Variants in HMGA1 observed in about 807,000 individuals in gnomAD.
HMGA1 encodes high mobility group AT-hook 1.
A neutral mutation model predicts 15.1 loss-of-function variants in HMGA1; 1 was observed. The ratio of observed to expected loss-of-function variants is 0.07; its 90% CI spans 0.02 to 0.31. HMGA1 has a LOEUF of 0.31. Among genes scored for constraint, HMGA1 ranks in the 10% least tolerant of loss-of-function variants. HMGA1 has a pLI of 1.00. For synonymous variants in HMGA1, 56 were observed against 54.8 expected (o/e 1.02, Z -0.10); for missense variants, 94 against 141.4 (o/e 0.66, Z 1.70).
chr6:34,244,062 G>T (rs142150355), intron 5 of HMGA1, among the ~76,000 whole-genome samples: 1 of 151,848 alleles, frequency 6.6e-6, no homozygotes, highest in African/African-American at 2.4e-5. Flanking sequence ...CCTCTAGGGG[G>T]CCACTGCAGT....
chr6:34,244,933 A>G lies in HMGA1; in HGVS notation c.*49A>G. On this transcript the variant is annotated 3_prime_UTR_variant, in exon 6 of 6. Coordinates refer to ENST00000311487, the MANE Select transcript of HMGA1 (RefSeq NM_145899.3). The stretch of plus-strand genomic sequence containing the variant: ...ACTGGAGGAGCAGCTTCCTTCTGGG[A>G]CTGGACAGCTTTGCTCCGCTCCCAC... 6.5e-7 allele frequency: 1 copy of G among 1,549,202 alleles called. No individual in the cohort carries two copies. The highest frequency in any genetic ancestry group is 2.0e-5 in the Admixed American group (1 of 50,998).
intron 4 of HMGA1, among the ~76,000 whole-genome samples, chr6:34,243,097 C>G (rs1458482047): frequency 6.6e-6 from 1 of 152,136 alleles, no homozygotes; most frequent in Non-Finnish European, 1.5e-5. Flanking sequence ...CCCTGCCAGT[C>G]CCTGGGCTGA....
chr6:34,241,192 A>C (rs1339730018), intron 3 of HMGA1, among the ~76,000 whole-genome samples: 1 of 152,228 alleles, frequency 6.6e-6, no homozygotes, highest in Non-Finnish European at 1.5e-5. Flanking sequence ...CCCAGAGGTC[A>C]CATGGCCAGT....
At chr6:34,244,042 CAAG>C (rs1390854897) in intron 5 of HMGA1, among the ~76,000 whole-genome samples, 1 of 151,900 alleles carries the variant, frequency 6.6e-6, no homozygotes, top group Non-Finnish European at 1.5e-5. Flanking sequence ...TGGGCTGAGT[CAAG>C]AAGCTGCCTC....
chr6:34,240,893 G>A lies in HMGA1; in HGVS notation c.113G>A (p.Gly38Glu), dbSNP rs1762247775. 6.2e-7 allele frequency: 1 copy of A among 1,613,556 alleles called. No individual in the cohort carries two copies. Among genetic ancestry groups the A allele is most frequent in the Admixed American group, 1.7e-5 (1 of 59,992 alleles). ...RPRKQPPVSP[G>E]TALVGSQKEP... ...CGCAAGCAGCCTCCGGTGAGTCCCGGGACAGCGCTGGTAGGGAGTCAGGTG... is the reference window on the plus strand; with the variant it reads ...CGCAAGCAGCCTCCGGTGAGTCCCGAGACAGCGCTGGTAGGGAGTCAGGTG... Residue 38 changes from glycine (G) to glutamate (E), a missense_variant, in exon 3 of 6, where the codon GGG (glycine) becomes GAG (glutamate). Gly to Glu is a moderately conservative substitution (Grantham distance 98, BLOSUM62 -2). Transcript: ENST00000311487.
chr6:34,243,886 C>T (rs1271867178), intron 5 of HMGA1, among the ~76,000 whole-genome samples: 5 of 152,242 alleles, frequency 3.3e-5, no homozygotes, highest in Middle Eastern at 3.4e-3. Flanking sequence ...AAGGTTTGTC[C>T]TTCCTATGAG....
rs567629985 is a variant in HMGA1, at chr6:34,240,554, G to A, written c.-44-183G>A. 60 of 564,454 alleles carry A rather than the reference G, an allele frequency of 1.1e-4. 1 individual carries two copies. Among genetic ancestry groups the A allele is most frequent in the Admixed American group, 5.9e-5 (2 of 33,644 alleles). The allele number at this position is 564,454 out of a possible 1,614,324, so 35.0% of individuals were successfully genotyped here. ...AGATAAGAAGCTGATTAGGGCCAAC[G>A]GCCCTTCCCCGCCCTTGGCAGCATC... On this transcript the variant is annotated intron_variant, in intron 2 of 5. Coordinates refer to ENST00000311487, the MANE Select transcript of HMGA1 (RefSeq NM_145899.3).
At chr6:34,239,691 C>T (rs963785426) in intron 2 of HMGA1, among the ~76,000 whole-genome samples, 3 of 49,734 alleles carry the variant, frequency 6.0e-5, no homozygotes, top group Non-Finnish European at 1.8e-4. Context: ...GGGATAAGGA[C>T]TAGGATGAAG....
At chr6:34,243,424 G>A (rs1352008657) in intron 4 of HMGA1, 44 bp from the exon 5 acceptor site, 3 of 1,505,078 alleles carry the variant, frequency 2.0e-6, no homozygotes, top group Non-Finnish European at 2.8e-6. Flanking sequence ...GGTGAGCACT[G>A]ATGAGCATTT....
chr6:34,241,513 A>G (rs1762306984), intron 3 of HMGA1, among the ~76,000 whole-genome samples: 1 of 152,184 alleles, frequency 6.6e-6, no homozygotes, highest in African/African-American at 2.4e-5. Context: ...ATTGAAGCCC[A>G]AGAAGTCAAA....
In HMGA1 at chr6:34,245,705, T is replaced by C; in HGVS notation, c.*821T>C. The C allele has an allele frequency of 1.1e-6, 1 of 921,458 alleles. No individual in the cohort carries two copies. The highest frequency in any genetic ancestry group is 1.5e-6 in the Non-Finnish European group (1 of 654,736). The allele number at this position is 921,458 out of a possible 1,614,324, so 57.1% of individuals were successfully genotyped here. On this transcript the variant is annotated 3_prime_UTR_variant, in exon 6 of 6. Coordinates refer to ENST00000311487, the MANE Select transcript of HMGA1 (RefSeq NM_145899.3). ...GCTGGGGCTGCTCCCCTAACCCTAC[T>C]TTGCTTCCGCCACTCAGCCATTTCC...
At chr6:34,243,576 G>C in intron 5 of HMGA1, 58 bp downstream of exon 5, 3 of 1,365,490 alleles carry the variant, frequency 2.2e-6, no homozygotes, top group Non-Finnish European at 3.1e-6. Context: ...TGAGGGTGTT[G>C]AGTACACAGT....
In HMGA1 at chr6:34,237,628, ACCCGGCGGAG is replaced by A. The variant is rs898177733; in HGVS notation, c.-45+317_-45+326del. Among the ~76,000 whole-genome samples the A allele has an allele frequency of 3.5e-3, 510 of 146,456 alleles. 3 individuals are homozygous for A. The highest frequency in any genetic ancestry group is 0.011 in the East Asian group (51 of 4,800). ...CAGCTGCGGCGAGCGCGAGTTGTGC[ACCCGGCGGAG>A]CCCGGAGGAGCCCGGCGCACCTCGC... On this transcript the variant is annotated intron_variant, in intron 2 of 5. Transcript: ENST00000311487.
chr6:34,241,331 G>A (rs140620871), intron 3 of HMGA1, among the ~76,000 whole-genome samples: 62 of 152,316 alleles, frequency 4.1e-4, no homozygotes, highest in East Asian at 3.7e-3. Context: ...TTCAGTGCAC[G>A]TAAAATGATT....
At chr6:34,241,025 C>A in intron 3 of HMGA1, 110 bp downstream of exon 3, 1 of 1,280,220 alleles carries the variant, frequency 7.8e-7, no homozygotes, top group Non-Finnish European at 1.1e-6. Flanking sequence ...AATGATTCTG[C>A]GCAGTAAGCG....
At chr6:34,244,398 T>A (rs1762550542) in intron 5 of HMGA1, among the ~76,000 whole-genome samples, 1 of 151,996 alleles carries the variant, frequency 6.6e-6, no homozygotes, top group Admixed American at 6.5e-5. Context: ...GCACAGCATC[T>A]GCCCCTGTGG....
At chr6:34,241,950 C>G (rs1762345044) in intron 3 of HMGA1, among the ~76,000 whole-genome samples, 1 of 152,114 alleles carries the variant, frequency 6.6e-6, no homozygotes, top group African/African-American at 2.4e-5. Flanking sequence ...CCTCAGCCTC[C>G]CCTCCTACCC....
intron 3 of HMGA1, among the ~76,000 whole-genome samples, chr6:34,241,914 G>A (rs940787181): frequency 2.0e-5 from 3 of 152,112 alleles, no homozygotes; most frequent in Non-Finnish European, 2.9e-5. Context: ...CCTGGGGTGG[G>A]GTCATTTGTC....
intron 1 of HMGA1, 83 bp from the exon 2 acceptor site, chr6:34,237,119 GAC>G (rs1761815536): frequency 6.6e-6 from 1 of 151,940 alleles, no homozygotes; most frequent in African/African-American, 2.4e-5. Context: ...GCCTGGCTGT[GAC>G]ACATAAATAC....
Sources: allele counts gnomAD v4.1 joint callset (sites outside exome capture counted in the v4.1 genomes callset), GRCh38; gene constraint gnomAD v4.1.1; transcripts MANE v1.5; gene names NCBI Gene and HGNC (gene_info 2026-07-23, HGNC 2026-07-21).